NAF1: variants seen among roughly 807,000 people sequenced by gnomAD.
NAF1 encodes the protein nuclear assembly factor 1 ribonucleoprotein.
A neutral mutation model predicts 40.6 loss-of-function variants in NAF1; 11 were observed. The observed-to-expected ratio is 0.27, with a 90% CI of 0.17 to 0.45. The LOEUF is 0.45. Ranked by LOEUF, NAF1 falls within the 20% of genes least tolerant of loss-of-function variation. NAF1 has a pLI of 1.00. For synonymous variants in NAF1, 260 were observed against 228.5 expected (o/e 1.14, Z -1.24); for missense variants, 607 against 611.1 (o/e 0.99, Z 0.07).
chr4:163,129,242 G>A lies in NAF1; in HGVS notation c.1140C>T (p.Ala380=), dbSNP rs202037819. 7.6e-5 allele frequency: 123 copies of A among 1,613,976 alleles called. No individual in the cohort carries two copies. The East Asian group carries it at 2.4e-3, about 31-fold the overall frequency. The part of the protein sequence containing the change: ...NREFTRGFSR[A]RYPRSCHGRP... ...TGCCATGGCAAGATCGAGGGTATCT[G>A]GCCCTGGAAAATCCTCGTGTGAATT... Residue 380 remains alanine (A), a synonymous_variant, in exon 8 of 8, where the codon GCC becomes GCT. Transcript: ENST00000274054.
In NAF1 at chr4:163,164,253, A is replaced by C; in HGVS notation, c.504T>G (p.Asn168Lys). ...ATTCATCTTTTGTTTTAAGAGGAAA[A>C]TTCTTATTTTCCTTCTCAATTTGTA... ...DDLQIEKENK[N>K]FPLKTKDELL... The change falls in exon 2 of 8, where the codon AAT (asparagine) becomes AAG (lysine). Residue 168 changes from asparagine to lysine, a missense_variant. Transcript: ENST00000274054. 1 of 1,573,166 alleles carries C rather than the reference A, an allele frequency of 6.4e-7. No individual in the cohort carries two copies. The highest frequency in any genetic ancestry group is 8.6e-7 in the Non-Finnish European group (1 of 1,163,778).
At position 163,133,002 on chromosome 4, in the gene NAF1, C is replaced by G; in HGVS notation, c.1033+152G>C. 4 of 615,192 alleles carry G rather than the reference C, an allele frequency of 6.5e-6. No individual in the cohort carries two copies. The South Asian group carries it at 1.1e-4, about 16-fold the overall frequency. 38.1% of individuals were successfully genotyped at this position (615,192 alleles called of 1,614,324 possible). A position where few individuals can be genotyped will look rare whatever the true frequency, so the allele number is the denominator to read the frequency against. On this transcript the variant is annotated intron_variant, in intron 7 of 7. Transcript: ENST00000274054. The stretch of plus-strand genomic sequence containing the variant: ...TTACTGCTTAAGCTCATAAAACTAC[C>G]ACACCTCCTGCTATGTAATGGCTCT...
At chr4:163,154,509 A>G (rs933369708) in intron 2 of NAF1, among the ~76,000 whole-genome samples, 1 of 152,208 alleles carries the variant, frequency 6.6e-6, no homozygotes, top group African/African-American at 2.4e-5. Flanking sequence ...AATTTTGAAA[A>G]AGGCACATAT....
intron 6 of NAF1, chr4:163,136,338 A>AC (rs1410164723): frequency 3.6e-5 from 5 of 138,970 alleles, no homozygotes; most frequent in Admixed American, 3.6e-4. Flanking sequence ...TGTTAAAAAA[A>AC]AAAAAAACAA....
Position 163,128,957 on chromosome 4 carries a change from TGGAGGG to T in NAF1, c.1419_1424del (p.Pro475_Pro476del). The T allele has an allele frequency of 7.6e-6, 4 of 526,114 alleles. No homozygotes were observed. The highest frequency in any genetic ancestry group is 1.2e-5 in the Non-Finnish European group (4 of 325,842). The allele number at this position is 526,114 out of a possible 1,614,324, so 32.6% of individuals were successfully genotyped here. ...CAGAAGAGGGTGGAGGAGGCAGTGG[TGGAGGG>T]GGAGGGGGTGGGGGTAGGGAGTATG... On this transcript the variant is annotated inframe_deletion, in exon 8 of 8. Coordinates refer to ENST00000274054, the MANE Select transcript of NAF1 (RefSeq NM_138386.3).
At chr4:163,116,778 G>A (rs1730351079) in intron 2 of NAF1, among the ~76,000 whole-genome samples, 1 of 152,194 alleles carries the variant, frequency 6.6e-6, no homozygotes. Flanking sequence ...TTGTTGTGAA[G>A]ATGTAAACAC....
At chr4:163,144,192 G>C (rs987822132) in intron 4 of NAF1, 1 of 182,696 alleles carries the variant, frequency 5.5e-6, no homozygotes, top group Non-Finnish European at 1.0e-5. Flanking sequence ...AAAGGGCAAA[G>C]GTAGGAATAA....
intron 2 of NAF1, among the ~76,000 whole-genome samples, chr4:163,162,464 T>C (rs6536704): frequency 0.36 from 55,256 of 152,108 alleles, 11,293 homozygotes; most frequent in East Asian, 0.63. Flanking sequence ...CAAAGATCCA[T>C]TGAAATGGTC....
chr4:163,123,726 A>T (rs1408349918), downstream of NAF1, among the ~76,000 whole-genome samples: 1 of 152,234 alleles, frequency 6.6e-6, no homozygotes, highest in Non-Finnish European at 1.5e-5. Context: ...AGCTTAGGCA[A>T]TGATTTTAAT....
intron 7 of NAF1, among the ~76,000 whole-genome samples, chr4:163,132,233 A>T (rs916644174): frequency 2.0e-5 from 3 of 152,218 alleles, no homozygotes; most frequent in African/African-American, 4.8e-5. Flanking sequence ...TTCCAGAAAA[A>T]TGAAAACCTC....
intron 6 of NAF1, chr4:163,133,618 T>A (rs894124274): frequency 5.5e-6 from 1 of 181,044 alleles, no homozygotes; most frequent in African/African-American, 2.4e-5. Flanking sequence ...CAGAAGACAA[T>A]GTTCCATAAT....
At chr4:163,142,286 T>G (rs1446349660) in intron 4 of NAF1, among the ~76,000 whole-genome samples, 2 of 152,220 alleles carry the variant, frequency 1.3e-5, no homozygotes, top group African/African-American at 2.4e-5. Flanking sequence ...AACCCAATTC[T>G]TCATTTGGTC....
intron 4 of NAF1, chr4:163,142,051 TA>T (rs1446263818): frequency 2.3e-6 from 1 of 437,266 alleles, no homozygotes; most frequent in African/African-American, 2.1e-5. Flanking sequence ...TTTAAAGCTT[TA>T]AAAAAGTGTA....
chr4:163,164,641 T>G (rs1219415926), intron 1 of NAF1, among the ~76,000 whole-genome samples: 1 of 152,204 alleles, frequency 6.6e-6, no homozygotes, highest in East Asian at 1.9e-4. Flanking sequence ...AATAACATTT[T>G]CAAACCTTTG....
At chr4:163,140,179 A>G (rs765300984) in intron 5 of NAF1, 44 bp downstream of exon 5, 2 of 1,446,458 alleles carry the variant, frequency 1.4e-6, no homozygotes, top group African/African-American at 2.9e-5. Context: ...CTTAAAATAT[A>G]AACGTTAGGT....
At chr4:163,133,070 A>T in intron 7 of NAF1, 84 bp downstream of exon 7, 1 of 1,133,682 alleles carries the variant, frequency 8.8e-7, no homozygotes, top group Non-Finnish European at 1.3e-6. Context: ...GAGAACCCAG[A>T]TGTTTCCTTC....
At chr4:163,141,481 T>C (rs2110938911) in intron 4 of NAF1, among the ~76,000 whole-genome samples, 1 of 152,342 alleles carries the variant, frequency 6.6e-6, no homozygotes, top group African/African-American at 2.4e-5. Flanking sequence ...TGCCCCCTTT[T>C]AAAAACCTAA....
intron 7 of NAF1, among the ~76,000 whole-genome samples, chr4:163,129,709 A>G (rs935046440): frequency 1.3e-5 from 2 of 152,200 alleles, no homozygotes; most frequent in Admixed American, 6.5e-5. Context: ...AGCATCAGGA[A>G]CAGGCTGAAC....
chr4:163,144,057 T>TC, intron 4 of NAF1: 1 of 957,356 alleles, frequency 1.0e-6, no homozygotes, highest in Non-Finnish European at 1.2e-6. Context: ...AATCATCACA[T>TC]CCTACCAAAC....
Sources: gnomAD v4.1 joint callset for allele counts (sites outside exome capture counted in the v4.1 genomes callset) on GRCh38, gnomAD v4.1.1 for gene constraint, MANE v1.5 for transcripts, NCBI Gene and HGNC (gene_info 2026-07-23, HGNC 2026-07-21) for gene names.